The following GRID2 variants were observed in gnomAD, a reference collection of about 807,000 sequenced individuals.
GRID2 encodes the protein glutamate ionotropic receptor delta type subunit 2, also known as glutamate receptor ionotropic, delta-2.
GRID2 carries 33 observed loss-of-function variants against 114.8 expected under a neutral mutation model. That is an observed-to-expected ratio of 0.29 (90% confidence interval 0.22 to 0.38). The LOEUF (loss-of-function observed/expected upper bound fraction) is 0.38. Among genes scored for constraint, GRID2 ranks in the 10% least tolerant of loss-of-function variants. The pLI, the probability that GRID2 is intolerant of heterozygous loss-of-function variation, is 1.00. For synonymous variants in GRID2, 505 were observed against 449.9 expected (o/e 1.12, Z -1.55); for missense variants, 1,184 against 1,257.7 (o/e 0.94, Z 0.89).
chr4:93,059,836 T>C (rs968482925), intron 2 of GRID2, among the ~76,000 whole-genome samples: 1 of 151,586 alleles, frequency 6.6e-6, no homozygotes, highest in Non-Finnish European at 1.5e-5. Context: ...TTCTGAGAAG[T>C]ATGTTTTTAA....
chr4:92,650,496 G>A (rs543824023), intron 2 of GRID2, among the ~76,000 whole-genome samples: 4 of 152,046 alleles, frequency 2.6e-5, no homozygotes, highest in African/African-American at 9.7e-5. Context: ...TCTACATTGA[G>A]AAATATTAGT....
At position 93,398,133 on chromosome 4, in the gene GRID2, G is replaced by GTGTGTGTGTATGTATATA; in HGVS notation, c.1347+2426_1347+2427insGTGTGTGTATGTATATAT. 6.5e-5 allele frequency among the ~76,000 whole-genome samples: 8 copies of GTGTGTGTGTATGTATATA among 122,350 alleles called. 2 individuals carry two copies. The highest frequency in any genetic ancestry group is 3.1e-4 in the African/African-American group (8 of 25,916). The allele number at this position is 122,350 out of a possible 152,430, so 80.3% of individuals were successfully genotyped here. On this transcript the variant is annotated intron_variant, in intron 9 of 15. Coordinates refer to ENST00000282020, the MANE Select transcript of GRID2 (RefSeq NM_001510.4). ...GAAATACATACATGTATGTGTGTGTGTATATATATATATATATATCTTATC... is the reference window on the plus strand; with the variant it reads ...GAAATACATACATGTATGTGTGTGTGTGTGTGTGTATGTATATATATATATATATATATATATCTTATC...
At chr4:92,440,796 A>C (rs1733011751) in intron 1 of GRID2, among the ~76,000 whole-genome samples, 1 of 152,120 alleles carries the variant, frequency 6.6e-6, no homozygotes, top group Non-Finnish European at 1.5e-5. Flanking sequence ...GGTGGATCAG[A>C]GAGATACAGT....
At chr4:93,104,068 C>G (rs889055736) in intron 3 of GRID2, among the ~76,000 whole-genome samples, 1 of 152,012 alleles carries the variant, frequency 6.6e-6, no homozygotes, top group Non-Finnish European at 1.5e-5. Flanking sequence ...TCTTTGGTGT[C>G]TATTGTTCCC....
chr4:93,367,778 CAGAGA>C (rs1762481016), intron 8 of GRID2, among the ~76,000 whole-genome samples: 1 of 152,132 alleles, frequency 6.6e-6, no homozygotes. Flanking sequence ...AAAAGACATA[CAGAGA>C]AGAGTGTTGA....
chr4:92,753,601 C>G (rs1175096247), intron 2 of GRID2, among the ~76,000 whole-genome samples: 2 of 152,146 alleles, frequency 1.3e-5, no homozygotes, highest in African/African-American at 4.8e-5. Flanking sequence ...AATTCTCAGT[C>G]TGAGTCAGAA....
chr4:92,438,828 C>G (rs1732864465), intron 1 of GRID2, among the ~76,000 whole-genome samples: 1 of 152,048 alleles, frequency 6.6e-6, no homozygotes, highest in African/African-American at 2.4e-5. Context: ...TACCAATGTC[C>G]CCTGTGCATC....
intron 1 of GRID2, among the ~76,000 whole-genome samples, chr4:93,800,112 A>G (rs540723964): frequency 6.6e-6 from 1 of 152,340 alleles, no homozygotes; most frequent in East Asian, 1.9e-4. Flanking sequence ...ATGTAATGTT[A>G]TAGGTTGACG....
intron 8 of GRID2, among the ~76,000 whole-genome samples, chr4:93,385,938 T>C (rs894133797): frequency 4.6e-5 from 7 of 152,210 alleles, no homozygotes; most frequent in Non-Finnish European, 1.0e-4. Context: ...GTTAGATATG[T>C]ATTCACAAAA....
intron 2 of GRID2, among the ~76,000 whole-genome samples, chr4:92,974,601 G>T (rs1458307824): frequency 6.6e-6 from 1 of 151,814 alleles, no homozygotes; most frequent in Non-Finnish European, 1.5e-5. Context: ...AAAACCATCT[G>T]CATGTTCTCA....
At chr4:93,774,923 A>G (rs1734332889), downstream of GRID2, among the ~76,000 whole-genome samples, 1 of 152,184 alleles carries the variant, frequency 6.6e-6, no homozygotes, top group South Asian at 2.1e-4. Context: ...TAAGAAAGAC[A>G]AGAAAATTAA....
intron 14 of GRID2, among the ~76,000 whole-genome samples, chr4:93,739,916 A>G (rs529534992): frequency 6.6e-6 from 1 of 152,228 alleles, no homozygotes; most frequent in Admixed American, 6.5e-5. Flanking sequence ...AACCCTATAA[A>G]ATTCATCTTC....
intron 4 of GRID2, among the ~76,000 whole-genome samples, chr4:93,202,714 A>C (rs939432659): frequency 4.6e-5 from 7 of 152,162 alleles, no homozygotes; most frequent in Non-Finnish European, 1.0e-4. Flanking sequence ...TTTGGGATTT[A>C]TAATAGTTGT....
In GRID2 at chr4:93,659,395, A is replaced by G. The variant is rs190153661; in HGVS notation, c.2360+32960A>G. Among the ~76,000 whole-genome samples, 8 of 152,320 alleles carry G rather than the reference A, an allele frequency of 5.3e-5. No individual in the cohort carries two copies. The East Asian group carries it at 1.2e-3, about 22-fold the overall frequency. On this transcript the variant is annotated intron_variant, in intron 14 of 15. Transcript: ENST00000282020. ...GTATAGGCTGAGAGACACAGATTAT[A>G]TATTCACCAACGAATTACTAGTATT...
intron 4 of GRID2, among the ~76,000 whole-genome samples, chr4:93,192,553 C>A (rs992893030): frequency 2.0e-5 from 3 of 151,812 alleles, no homozygotes; most frequent in African/African-American, 7.3e-5. Flanking sequence ...ACCAGCCTGG[C>A]CAACACGTGG....
At chr4:92,782,142 A>T (rs2149359162) in intron 2 of GRID2, among the ~76,000 whole-genome samples, 1 of 152,164 alleles carries the variant, frequency 6.6e-6, no homozygotes, top group South Asian at 2.1e-4. Flanking sequence ...CATCATATTT[A>T]GATATGGCTG....
chr4:93,778,335 G>A (rs1734410684), downstream of GRID2, among the ~76,000 whole-genome samples: 1 of 149,400 alleles, frequency 6.7e-6, no homozygotes, highest in South Asian at 2.1e-4. Flanking sequence ...AGAAATAAAA[G>A]CACACTAAAA....
chr4:92,652,937 A>AAT lies in GRID2; in HGVS notation c.244+62652_244+62653insTA, dbSNP rs1174676561. Among the ~76,000 whole-genome samples, 35 of 70,648 alleles carry AAT rather than the reference A, an allele frequency of 5.0e-4. 1 individual carries two copies. Among genetic ancestry groups the AAT allele is most frequent in the African/African-American group, 1.5e-3 (31 of 21,158 alleles). The allele number at this position is 70,648 out of a possible 152,430, so 46.3% of individuals were successfully genotyped here. ...TTATAAATACATATAAATATATATA[A>AAT]ACATATATTTATAAATATATATAAA... On this transcript the variant is annotated intron_variant, in intron 2 of 15. Transcript: ENST00000282020.
intron 13 of GRID2, among the ~76,000 whole-genome samples, chr4:93,614,633 G>C (rs142425405): frequency 6.6e-6 from 1 of 152,036 alleles, no homozygotes; most frequent in Non-Finnish European, 1.5e-5. Flanking sequence ...TCAATAAGTA[G>C]TAACTGATAG....
Sources: allele counts gnomAD v4.1 joint callset (sites outside exome capture counted in the v4.1 genomes callset), GRCh38; gene constraint gnomAD v4.1.1; transcripts MANE v1.5; gene names NCBI Gene and HGNC (gene_info 2026-07-23, HGNC 2026-07-21).